Variants in CASP8 observed in about 807,000 individuals in gnomAD.
CASP8 encodes caspase-8.
CASP8 carries 24 observed loss-of-function variants against 46.3 expected under a neutral mutation model. That is an observed-to-expected ratio of 0.52 (90% confidence interval 0.38 to 0.73). The LOEUF (loss-of-function observed/expected upper bound fraction) is 0.73, where lower values mean the gene tolerates loss of function less well. Ranked by LOEUF, CASP8 falls within the 30% of genes least tolerant of loss-of-function variation. The pLI is 0.00. For synonymous variants in CASP8, 188 were observed against 200.4 expected (o/e 0.94, Z 0.52); for missense variants, 460 against 559.0 (o/e 0.82, Z 1.79).
At chr2:201,246,372 T>C (rs1421108675) in intron 2 of CASP8, among the ~76,000 whole-genome samples, 1 of 152,070 alleles carries the variant, frequency 6.6e-6, no homozygotes, top group Non-Finnish European at 1.5e-5. Context: ...TATTTAGGTG[T>C]CCTTAGAGGG....
At chr2:201,245,235 GTTT>G (rs536252065) in intron 2 of CASP8, among the ~76,000 whole-genome samples, 93 of 151,818 alleles carry the variant, frequency 6.1e-4, no homozygotes, top group African/African-American at 2.1e-3. Context: ...TCACAAGGAG[GTTT>G]TTTATTTGTT....
chr2:201,246,058 G>T (rs964897275), intron 2 of CASP8, among the ~76,000 whole-genome samples: 1 of 152,004 alleles, frequency 6.6e-6, no homozygotes, highest in Admixed American at 6.6e-5. Context: ...GTAGAGACGG[G>T]GTTTCTCCAT....
intron 2 of CASP8, chr2:201,269,730 C>CACTTA: frequency 1.5e-6 from 1 of 682,060 alleles, no homozygotes; most frequent in Non-Finnish European, 2.6e-6. Flanking sequence ...GCTAGGGTGA[C>CACTTA]CACTTACCAT....
Position 201,286,708 on chromosome 2 carries a change from C to CT in CASP8, c.*114_*115insT. The CT allele has an allele frequency of 1.1e-6, 1 of 891,818 alleles. No homozygotes were observed. 55.2% of individuals were successfully genotyped at this position (891,818 alleles called of 1,614,324 possible). ...TCGGCTCACCGCAAGCTCCGCCTCC[C>CT]GGGTTCAGGCCATTCTCCTGCCTCA... On this transcript the variant is annotated 3_prime_UTR_variant, in exon 9 of 9. Transcript: ENST00000673742.
In CASP8 at chr2:201,266,911, A is replaced by G. The variant is rs1382522158; in HGVS notation, c.305+120A>G. ...TGCCTGGGAACCCAGCAGTGCCACA[A>G]TTCTAAGCTTCTACAGAAAGACAGT... On this transcript the variant is annotated intron_variant, in intron 2 of 8. Transcript: ENST00000673742. This position sits in a 1 kb window ranked among gnomAD's most constrained non-coding sequence, Gnocchi z 5.7. The G allele has an allele frequency of 3.0e-6, 2 of 668,696 alleles. No individual in the cohort carries two copies. Among genetic ancestry groups the G allele is most frequent in the South Asian group, 2.0e-5 (1 of 51,142 alleles). 41.4% of individuals were successfully genotyped at this position (668,696 alleles called of 1,614,324 possible).
Position 201,285,116 on chromosome 2 carries a change from G to C in CASP8, c.1103G>C (p.Gly368Ala), listed in dbSNP as rs758525204. The change falls in exon 8 of 9, where the codon GGT (glycine) becomes GCT (alanine). Residue 368 changes from glycine (G) to alanine (A), a missense_variant. By Grantham distance (60) the Gly-to-Ala change is moderately conservative. Coordinates refer to ENST00000673742, the MANE Select transcript of CASP8 (RefSeq NM_001372051.1). Reference protein sequence around the residue: ...QACQGDNYQKGIPVETDSEEQ... With the variant: ...QACQGDNYQKAIPVETDSEEQ... ...TGTCAGGGGGATAACTACCAGAAAG[G>C]TATACCTGTTGAGACTGATTCAGAG... is the stretch of plus-strand genomic sequence containing the variant. 6.2e-7 allele frequency: 1 copy of C among 1,614,152 alleles called. No homozygotes were observed. The highest frequency in any genetic ancestry group is 2.2e-5 in the East Asian group (1 of 44,890).
At chr2:201,254,300 A>T (rs975722150) in intron 2 of CASP8, among the ~76,000 whole-genome samples, 1 of 152,236 alleles carries the variant, frequency 6.6e-6, no homozygotes, top group Admixed American at 6.5e-5. Flanking sequence ...CTGTCTGATC[A>T]TTTTAATACC....
chr2:201,269,536 C>A lies in CASP8; in HGVS notation c.306-1980C>A, dbSNP rs376590303. 2.1e-5 allele frequency: 34 copies of A among 1,613,482 alleles called. No homozygotes were observed. The highest frequency in any genetic ancestry group is 2.8e-5 in the Non-Finnish European group (33 of 1,179,780). On this transcript the variant is annotated intron_variant, in intron 2 of 8. Transcript: ENST00000673742. ...TTCCACTTCTGCCGCATGAGCTGGG[C>A]TGAAGCAAACAGCCAGTGCCAGACA...
At chr2:201,254,030 G>A (rs7585508) in intron 2 of CASP8, among the ~76,000 whole-genome samples, 67,376 of 150,354 alleles carry the variant, frequency 0.45, 17,285 homozygotes, top group Non-Finnish European at 0.59. Flanking sequence ...GCGGTGAGCC[G>A]AGATTGCACC....
intron 3 of CASP8, 67 bp downstream of exon 3, chr2:201,271,688 C>A: frequency 4.1e-6 from 4 of 972,506 alleles, no homozygotes; most frequent in East Asian, 2.4e-5. Flanking sequence ...TTTCTGAGAC[C>A]AAAGAGAGGG....
At position 201,271,638 on chromosome 2, in the gene CASP8, TA is replaced by T. The variant is rs1948254775; in HGVS notation, c.411+18del. The T allele has an allele frequency of 7.0e-7, 1 of 1,438,040 alleles. No individual in the cohort carries two copies. The highest frequency in any genetic ancestry group is 9.8e-7 in the Non-Finnish European group (1 of 1,019,494). The allele number at this position is 1,438,040 out of a possible 1,614,324, so 89.1% of individuals were successfully genotyped here. On this transcript the variant is annotated intron_variant, in intron 3 of 8. Coordinates refer to ENST00000673742, the MANE Select transcript of CASP8 (RefSeq NM_001372051.1). ...GATGACATGGTAAGACCTGGTATCT[TA>T]CTGAGATTTAGTCCTGAGACTTGGT...
upstream of CASP8, chr2:201,258,157 TCTC>T (rs1947117634): frequency 7.8e-6 from 12 of 1,541,204 alleles, no homozygotes; most frequent in East Asian, 2.7e-4. Context: ...TTTCACAGGT[TCTC>T]CTCCTTTTAT....
At chr2:201,260,163 T>A (rs1366882556), upstream of CASP8, among the ~76,000 whole-genome samples, 1 of 152,036 alleles carries the variant, frequency 6.6e-6, no homozygotes, top group African/African-American at 2.4e-5. Flanking sequence ...AGGTGCTCCA[T>A]CAAGATTCAT....
intron 2 of CASP8, among the ~76,000 whole-genome samples, chr2:201,251,763 C>T (rs913251755): frequency 1.3e-5 from 2 of 151,514 alleles, no homozygotes; most frequent in African/African-American, 2.4e-5. Context: ...ATTAGCTGGG[C>T]GTGGTGGTCA....
chr2:201,237,306 G>C (rs564909004), intron 2 of CASP8, among the ~76,000 whole-genome samples: 1 of 151,194 alleles, frequency 6.6e-6, no homozygotes, highest in Non-Finnish European at 1.5e-5. Context: ...AGCCAGGCTG[G>C]TCTCAAACTT....
At position 201,274,933 on chromosome 2, in the gene CASP8, G is replaced by T. The variant is rs146816437; in HGVS notation, c.640G>T (p.Glu214Ter). 1.2e-6 allele frequency: 2 copies of T among 1,612,458 alleles called. No homozygotes were observed. The highest frequency in any genetic ancestry group is 2.7e-5 in the African/African-American group (2 of 74,840). The change falls in exon 6 of 9, where the codon GAA (glutamate) becomes TAA (stop). Residue 214 changes from glutamate (E) to a stop codon, truncating the protein, a stop_gained. Transcript: ENST00000673742. LOFTEE classifies it high-confidence loss of function. ...AATGACAATCTCGGACTCTCCAAGAGAACAGGATAGTGAATCACAGGTAGA... is the reference window on the plus strand; with the variant it reads ...AATGACAATCTCGGACTCTCCAAGATAACAGGATAGTGAATCACAGGTAGA... ...GVMTISDSPR[E>*]QDSESQTLDK... is the part of the protein sequence containing the mutation.
intron 1 of CASP8, among the ~76,000 whole-genome samples, chr2:201,260,999 A>G (rs1225217018): frequency 6.6e-6 from 1 of 152,208 alleles, no homozygotes; most frequent in Non-Finnish European, 1.5e-5. Flanking sequence ...CCACCAACAC[A>G]CATACCCACC....
At chr2:201,267,328 G>T (rs1947893207) in intron 2 of CASP8, among the ~76,000 whole-genome samples, 1 of 151,976 alleles carries the variant, frequency 6.6e-6, no homozygotes, top group Non-Finnish European at 1.5e-5. Context: ...CCTGCTTGCG[G>T]ATGGCTATGA....
rs776813940 is a variant in CASP8, at chr2:201,276,975, T to C, written c.802+7T>C. The C allele has an allele frequency of 7.5e-6, 12 of 1,603,888 alleles. No homozygotes were observed. The South Asian group carries it at 1.3e-4, about 18-fold the overall frequency. ...GGAACACACTTGGATGCAGGTACAG[T>C]AGAACCCAAAAGAGAAAAGTAAAAT... is the stretch of plus-strand genomic sequence containing the variant. On this transcript the variant is annotated splice_region_variant and intron_variant, in intron 7 of 8. Coordinates refer to ENST00000673742, the MANE Select transcript of CASP8 (RefSeq NM_001372051.1).
Sources: allele counts gnomAD v4.1 joint callset (sites outside exome capture counted in the v4.1 genomes callset), GRCh38; gene constraint gnomAD v4.1.1; non-coding constraint Gnocchi (gnomAD v3.1); transcripts MANE v1.5; gene names NCBI Gene and HGNC (gene_info 2026-07-23, HGNC 2026-07-21).